Variants in XKR6 observed in about 807,000 individuals in gnomAD.
XKR6 encodes XK-related protein 6.
Under a neutral mutation model 56.7 loss-of-function variants are expected in XKR6, and 22 were observed. The observed-to-expected ratio is 0.39, with a 90% confidence interval of 0.28 to 0.55. The LOEUF (loss-of-function observed/expected upper bound fraction) is 0.55. Among genes scored for constraint, XKR6 ranks in the 20% least tolerant of loss-of-function variants. The probability of loss-of-function intolerance (pLI) is 0.66; values close to 1 mark genes in which losing one functional copy is unlikely to be tolerated. For missense variants in XKR6, 852 were observed against 889.0 expected, an observed-to-expected ratio of 0.96 and a Z score of 0.53; for synonymous variants, 524 against 387.8, an observed-to-expected ratio of 1.35 and a Z score of -4.13.
intron 1 of XKR6, among the ~76,000 whole-genome samples, chr8:11,043,267 G>C (rs939286606): frequency 5.9e-5 from 9 of 152,124 alleles, no homozygotes; most frequent in African/African-American, 1.4e-4. Context: ...TCAAACACTG[G>C]TGAGGATGCG....
intron 2 of XKR6, 114 bp downstream of exon 2, chr8:10,924,520 G>A (rs2129117097): frequency 7.6e-7 from 1 of 1,319,830 alleles, no homozygotes; most frequent in East Asian, 2.4e-5. Context: ...GGGGACTCAG[G>A]GCAGGATGGG....
At chr8:11,169,967 T>C (rs961167443) in intron 1 of XKR6, among the ~76,000 whole-genome samples, 2 of 128,908 alleles carry the variant, frequency 1.6e-5, no homozygotes, top group Non-Finnish European at 3.4e-5. Flanking sequence ...GTCATTGTGA[T>C]CTCATAGACA....
chr8:10,962,872 C>G (rs562616560), intron 1 of XKR6, among the ~76,000 whole-genome samples: 1 of 152,318 alleles, frequency 6.6e-6, no homozygotes, highest in Non-Finnish European at 1.5e-5. Flanking sequence ...ATCCACCCGC[C>G]TCGGCCTCCC....
At chr8:11,075,732 G>A (rs921697756) in intron 1 of XKR6, among the ~76,000 whole-genome samples, 2 of 152,136 alleles carry the variant, frequency 1.3e-5, no homozygotes, top group Admixed American at 1.3e-4. Context: ...AATTAGCTGG[G>A]TGTGGTGGTG....
intron 1 of XKR6, among the ~76,000 whole-genome samples, chr8:11,017,169 G>A (rs4074692): frequency 0.024 from 3,591 of 152,342 alleles, 133 homozygotes; most frequent in African/African-American, 0.081. Flanking sequence ...GACAGAGATA[G>A]ATAGAGATGA....
chr8:11,035,282 G>A (rs747633867), intron 1 of XKR6: 3 of 534,812 alleles, frequency 5.6e-6, no homozygotes, highest in South Asian at 2.8e-5. Flanking sequence ...ATCACCGCCA[G>A]CATCAGCAGC....
intron 1 of XKR6, among the ~76,000 whole-genome samples, chr8:11,040,096 T>C (rs974258461): frequency 6.6e-6 from 1 of 152,086 alleles, no homozygotes; most frequent in Non-Finnish European, 1.5e-5. Context: ...AGGCAGTTCC[T>C]TGGGAAGGGT....
chr8:11,157,544 C>A (rs931077204), intron 1 of XKR6, among the ~76,000 whole-genome samples: 2 of 152,090 alleles, frequency 1.3e-5, no homozygotes, highest in African/African-American at 4.8e-5. Flanking sequence ...GAGATGCAGT[C>A]TCTCTCTGTT....
At chr8:10,919,887 G>T (rs1246029270) in intron 2 of XKR6, among the ~76,000 whole-genome samples, 1 of 152,176 alleles carries the variant, frequency 6.6e-6, no homozygotes, top group Non-Finnish European at 1.5e-5. Context: ...TCAGGCTTAA[G>T]GAAGACCCTG....
chr8:11,115,258 G>C (rs1407963366), intron 1 of XKR6, among the ~76,000 whole-genome samples: 1 of 152,146 alleles, frequency 6.6e-6, no homozygotes, highest in Non-Finnish European at 1.5e-5. Context: ...TTTAATCCTG[G>C]AAATTAATTC....
At chr8:11,054,194 G>A (rs933357784) in intron 1 of XKR6, among the ~76,000 whole-genome samples, 2 of 152,172 alleles carry the variant, frequency 1.3e-5, no homozygotes, top group African/African-American at 2.4e-5. Context: ...GCATGCAAGG[G>A]GAGCCATATC....
intron 1 of XKR6, among the ~76,000 whole-genome samples, chr8:11,136,403 T>C (rs951515884): frequency 7.2e-5 from 11 of 151,728 alleles, no homozygotes; most frequent in Middle Eastern, 3.4e-3. Context: ...ACTCAGAAGG[T>C]TGAGGCAGGA....
At chr8:11,065,229 A>G (rs1340434054) in intron 1 of XKR6, among the ~76,000 whole-genome samples, 1 of 152,210 alleles carries the variant, frequency 6.6e-6, no homozygotes, top group Non-Finnish European at 1.5e-5. Flanking sequence ...GAAACACAGG[A>G]TTATAGAGCT....
chr8:11,121,665 C>G (rs140322701), intron 1 of XKR6, among the ~76,000 whole-genome samples: 2,012 of 152,314 alleles, frequency 0.013, 18 homozygotes, highest in African/African-American at 0.033. Context: ...CACCATTTGA[C>G]CCAGCCATCC....
At chr8:11,172,296 G>GGAGGTC (rs1278856015) in intron 1 of XKR6, among the ~76,000 whole-genome samples, 1 of 152,122 alleles carries the variant, frequency 6.6e-6, no homozygotes, top group Non-Finnish European at 1.5e-5. Context: ...CCTGAGCCTG[G>GGAGGTC]GAGGTCGAGG....
chr8:11,048,158 A>G (rs1162726663), intron 1 of XKR6, among the ~76,000 whole-genome samples: 1 of 152,184 alleles, frequency 6.6e-6, no homozygotes, highest in Non-Finnish European at 1.5e-5. Context: ...TGAGCTGGTA[A>G]CACTCAGCCC....
At chr8:10,953,132 G>A (rs1300809911) in intron 1 of XKR6, among the ~76,000 whole-genome samples, 2 of 152,128 alleles carry the variant, frequency 1.3e-5, no homozygotes, top group Non-Finnish European at 2.9e-5. Flanking sequence ...ACATTACAAT[G>A]TAATAATAGT....
At chr8:10,958,799 C>G (rs1309691682) in intron 1 of XKR6, among the ~76,000 whole-genome samples, 1 of 152,218 alleles carries the variant, frequency 6.6e-6, no homozygotes, top group Non-Finnish European at 1.5e-5. Flanking sequence ...GAAAGTACAA[C>G]TTAGCTTCCA....
intron 1 of XKR6, among the ~76,000 whole-genome samples, chr8:10,942,780 C>A (rs540796418): frequency 2.3e-4 from 35 of 152,362 alleles, no homozygotes; most frequent in Admixed American, 1.3e-3. Flanking sequence ...CCTGTTCACG[C>A]TACAACCCCT....
Sources: gnomAD v4.1 joint callset for allele counts (sites outside exome capture counted in the v4.1 genomes callset) on GRCh38, gnomAD v4.1.1 for gene constraint, MANE v1.5 for transcripts, NCBI Gene and HGNC (gene_info 2026-07-23, HGNC 2026-07-21) for gene names.